Variants in FILIP1 observed in about 807,000 individuals in gnomAD.
FILIP1 encodes filamin A interacting protein 1, also known as filamin-A-interacting protein 1.
A neutral mutation model predicts 102.1 loss-of-function variants in FILIP1; 61 were observed. The observed-to-expected ratio is 0.60, with a 90% CI of 0.49 to 0.74. The LOEUF (loss-of-function observed/expected upper bound fraction) is 0.74. FILIP1 is among the 30% of genes least tolerant of loss of function. The pLI is 0.00. For missense variants in FILIP1, 1,314 were observed against 1,441.2 expected, an observed-to-expected ratio of 0.91 and a Z score of 1.43; for synonymous variants, 491 against 526.9, an observed-to-expected ratio of 0.93 and a Z score of 0.93.
At chr6:75,401,434 T>C (rs1480573748) in intron 2 of FILIP1, among the ~76,000 whole-genome samples, 1 of 152,212 alleles carries the variant, frequency 6.6e-6, no homozygotes, top group Non-Finnish European at 1.5e-5. Flanking sequence ...CCTTCTATTC[T>C]CTTATCCCTT....
At chr6:75,365,195 A>AAAAT (rs201236890) in intron 2 of FILIP1, among the ~76,000 whole-genome samples, 1 of 151,824 alleles carries the variant, frequency 6.6e-6, no homozygotes, top group Non-Finnish European at 1.5e-5. Flanking sequence ...GTCCTTTGAA[A>AAAAT]AAATAAATAA....
At chr6:75,471,384 A>C (rs1779324997) in intron 1 of FILIP1, among the ~76,000 whole-genome samples, 1 of 152,132 alleles carries the variant, frequency 6.6e-6, no homozygotes, top group African/African-American at 2.4e-5. Context: ...CTGGTAACTC[A>C]CAGAAGAACT....
At chr6:75,488,787 T>C (rs148267272) in intron 1 of FILIP1, among the ~76,000 whole-genome samples, 12 of 152,292 alleles carry the variant, frequency 7.9e-5, no homozygotes, top group Non-Finnish European at 1.8e-4. Context: ...GGGTGCTTTA[T>C]ATATTTTTGT....
intron 1 of FILIP1, among the ~76,000 whole-genome samples, chr6:75,452,873 AAAGT>A (rs1385611197): frequency 6.6e-6 from 1 of 152,228 alleles, no homozygotes; most frequent in African/African-American, 2.4e-5. Context: ...TTGTTTTTAA[AAAGT>A]AAGGTATGAT....
intron 1 of FILIP1, chr6:75,455,405 T>C (rs1004843156): frequency 1.3e-5 from 2 of 152,032 alleles, no homozygotes; most frequent in African/African-American, 4.8e-5. Flanking sequence ...ATGAAATGTA[T>C]CCAAAGCTCA....
intron 2 of FILIP1, among the ~76,000 whole-genome samples, chr6:75,369,594 A>C (rs1194471506): frequency 6.7e-6 from 1 of 149,424 alleles, no homozygotes. Context: ...AGAAAAAAAA[A>C]CATAATGAGT....
intron 1 of FILIP1, among the ~76,000 whole-genome samples, chr6:75,472,701 C>T (rs905650950): frequency 2.6e-5 from 4 of 152,066 alleles, no homozygotes; most frequent in Non-Finnish European, 4.4e-5. Context: ...TCTATTTCCC[C>T]GCTAGTCTAC....
At chr6:75,361,664 C>G (rs1005101846) in intron 3 of FILIP1, among the ~76,000 whole-genome samples, 1 of 152,148 alleles carries the variant, frequency 6.6e-6, no homozygotes, top group Non-Finnish European at 1.5e-5. Context: ...CTTTATTAAA[C>G]CCTCACAGCA....
chr6:75,324,198 T>C (rs1773756602), intron 4 of FILIP1, among the ~76,000 whole-genome samples: 1 of 152,016 alleles, frequency 6.6e-6, no homozygotes, highest in Admixed American at 6.6e-5. Context: ...CAGTAAAGTC[T>C]CAGGATACAA....
At chr6:75,458,195 C>T (rs930232709) in intron 1 of FILIP1, 11 of 152,116 alleles carry the variant, frequency 7.2e-5, no homozygotes, top group Admixed American at 6.5e-5. Flanking sequence ...TAGCTAGAGA[C>T]ATTTGGGGAT....
chr6:75,458,479 A>G (rs140434210), intron 1 of FILIP1, among the ~76,000 whole-genome samples: 23 of 152,288 alleles, frequency 1.5e-4, no homozygotes, highest in African/African-American at 4.3e-4. Context: ...GTCAACTTGG[A>G]GGCAAACGTA....
Position 75,314,347 on chromosome 6 carries a change from T to C in FILIP1, c.1485A>G (p.Lys495=). Residue 495 remains lysine (K), a synonymous_variant, in exon 5 of 6, where the codon AAA becomes AAG. Transcript: ENST00000237172. The part of the protein sequence containing the change: ...SRLEKAELSL[K]DDLTKLKSFT... Reference sequence around the variant, plus strand: ...ATGACTTCAACTTGGTAAGATCATCTTTTAGGCTTAATTCAGCCTTTTCCA... The same window carrying C: ...ATGACTTCAACTTGGTAAGATCATCCTTTAGGCTTAATTCAGCCTTTTCCA... 6.6e-7 allele frequency: 1 copy of C among 1,520,350 alleles called. No homozygotes were observed. The highest frequency in any genetic ancestry group is 1.4e-5 in the South Asian group (1 of 73,212). The allele number at this position is 1,520,350 out of a possible 1,614,324, so 94.2% of individuals were successfully genotyped here.
At chr6:75,460,624 T>C (rs1778993518) in intron 1 of FILIP1, among the ~76,000 whole-genome samples, 1 of 152,216 alleles carries the variant, frequency 6.6e-6, no homozygotes, top group African/African-American at 2.4e-5. Context: ...CATTTTCTTC[T>C]GAGGCTTGAT....
In FILIP1 at chr6:75,312,735, C is replaced by T; in HGVS notation, c.3097G>A (p.Gly1033Arg). The T allele has an allele frequency of 6.2e-7, 1 of 1,614,142 alleles. No homozygotes were observed. The highest frequency in any genetic ancestry group is 8.5e-7 in the Non-Finnish European group (1 of 1,180,046). ...GGGGTGACTTTGAGGATTGTCCGTC[C>T]CATGGGCATTTCCTGGGATTCGGGA... is the stretch of plus-strand genomic sequence containing the variant. The part of the protein sequence containing the change: ...VSPESQEMPM[G>R]RTILKVTPEK... Residue 1033 changes from glycine to arginine, a missense_variant, in exon 5 of 6, where the codon GGA (glycine) becomes AGA (arginine). Around this residue, in one of 3 missense-constraint regions of FILIP1, gnomAD observed 816 missense variants for 913.1 expected, o/e 0.89. Coordinates refer to ENST00000237172, the MANE Select transcript of FILIP1 (RefSeq NM_015687.5).
In FILIP1 at chr6:75,485,968, A is replaced by AACACACACAC. The variant is rs529165652; in HGVS notation, c.-7+7436_-7+7445dup. Among the ~76,000 whole-genome samples, 304 of 145,306 alleles carry AACACACACAC rather than the reference A, an allele frequency of 2.1e-3. 2 individuals carry two copies. The highest frequency in any genetic ancestry group is 7.5e-3 in the African/African-American group (290 of 38,914). On this transcript the variant is annotated intron_variant, in intron 1 of 5. Transcript: ENST00000237172. ...GCCTTCCTCACTGCCTTCTGACCAA[A>AACACACACAC]ACACACACACACACACACACACACA...
intron 3 of FILIP1, among the ~76,000 whole-genome samples, chr6:75,359,933 T>A (rs1160899565): frequency 1.3e-5 from 2 of 152,058 alleles, no homozygotes; most frequent in Non-Finnish European, 2.9e-5. Flanking sequence ...AAAAATTGAG[T>A]ACCTAAAATG....
At chr6:75,435,709 C>T (rs1197197152) in intron 1 of FILIP1, among the ~76,000 whole-genome samples, 2 of 152,230 alleles carry the variant, frequency 1.3e-5, no homozygotes, top group Non-Finnish European at 2.9e-5. Context: ...GACACTCTTA[C>T]ATTTCCTTCT....
intron 1 of FILIP1, among the ~76,000 whole-genome samples, chr6:75,473,231 G>A (rs1246127256): frequency 7.2e-5 from 11 of 152,092 alleles, no homozygotes; most frequent in Non-Finnish European, 1.5e-4. Context: ...AATATTATAG[G>A]ACTTTAAAGG....
At position 75,448,046 on chromosome 6, in the gene FILIP1, A is replaced by C. The variant is rs538300141; in HGVS notation, c.-6-33068T>G. On this transcript the variant is annotated intron_variant, in intron 1 of 5. Coordinates refer to ENST00000237172, the MANE Select transcript of FILIP1 (RefSeq NM_015687.5). The stretch of plus-strand genomic sequence containing the variant: ...CCCTACATATAGAATAATACCCCCC[A>C]CATAGATGAGGAAAAAAGTCTTTGT... 5.3e-5 allele frequency among the ~76,000 whole-genome samples: 8 copies of C among 152,290 alleles called. No homozygotes were observed. In the South Asian group the frequency reaches 8.3e-4, roughly 16 times the overall value.
Sources: allele counts gnomAD v4.1 joint callset (sites outside exome capture counted in the v4.1 genomes callset), GRCh38; gene constraint gnomAD v4.1.1; regional missense constraint gnomAD v4.1.1; transcripts MANE v1.5; gene names NCBI Gene and HGNC (gene_info 2026-07-23, HGNC 2026-07-21).